Variants in PFKFB1 observed in about 807,000 individuals in gnomAD.
PFKFB1 encodes 6-phosphofructo-2-kinase/fructose-2,6-biphosphatase 1.
PFKFB1 carries 34 observed loss-of-function variants against 46.4 expected under a neutral mutation model. That is an observed-to-expected ratio of 0.73 (90% confidence interval 0.56 to 0.98). The LOEUF (loss-of-function observed/expected upper bound fraction) is 0.98, where lower values mean the gene tolerates loss of function less well. Ranked by LOEUF, PFKFB1 falls within the 50% of genes least tolerant of loss-of-function variation. The pLI, the probability that PFKFB1 is intolerant of heterozygous loss-of-function variation, is 0.00. For missense variants in PFKFB1, 393 were observed against 376.3 expected (o/e 1.04, Z -0.37); for synonymous variants, 119 against 133.8 (o/e 0.89, Z 0.76).
intron 4 of PFKFB1, 130 bp from the exon 5 acceptor site, chrX:54,959,055 G>T (rs1934238332): frequency 2.1e-6 from 1 of 473,879 alleles, no homozygotes. Flanking sequence ...TTGAAGGATA[G>T]GAAGGATTCA....
In PFKFB1 at chrX:54,963,418, A is replaced by T. The variant is rs764303673; in HGVS notation, c.98-36T>A. The T allele has an allele frequency of 1.0e-5, 12 of 1,192,475 alleles. No individual in the cohort carries two copies. The African/African-American group carries it at 1.9e-4, about 19-fold the overall frequency. On this transcript the variant is annotated intron_variant, in intron 1 of 13. Coordinates refer to ENST00000375006, the MANE Select transcript of PFKFB1 (RefSeq NM_002625.4). ...AACAGACCCTCAAAAGCTTATCCTC[A>T]GATTCATAGGCTCTTCTGGTATTAG... is the stretch of plus-strand genomic sequence containing the variant.
upstream of PFKFB1, chrX:54,998,526 T>C (rs1196530837): frequency 4.1e-5 from 31 of 759,936 alleles, no homozygotes; most frequent in Non-Finnish European, 5.8e-5. Flanking sequence ...GAGGTGTTCG[T>C]TGGTTCCCTG....
intron 10 of PFKFB1, among the ~76,000 whole-genome samples, chrX:54,941,710 T>G (rs1243036409): frequency 1.8e-5 from 2 of 111,798 alleles, no homozygotes; most frequent in African/African-American, 3.3e-5. Context: ...CTCACACCAG[T>G]TAGAATGGTG....
At chrX:54,937,762 T>A in intron 10 of PFKFB1, 38 bp from the exon 11 acceptor site, 5 of 1,167,748 alleles carry the variant, frequency 4.3e-6, no homozygotes, top group Non-Finnish European at 5.8e-6. Flanking sequence ...GAAAGGAAGA[T>A]GAGGCACATT....
intron 7 of PFKFB1, among the ~76,000 whole-genome samples, chrX:54,952,549 CTT>C (rs370373133): frequency 2.3e-4 from 23 of 100,560 alleles, no homozygotes; most frequent in Admixed American, 4.3e-4. Context: ...CTTCACTCCT[CTT>C]TTTTTTTTTT....
chrX:54,941,879 T>A (rs111304481), intron 10 of PFKFB1, among the ~76,000 whole-genome samples: 8,145 of 111,766 alleles, frequency 0.073, 732 homozygotes, highest in African/African-American at 0.25. Flanking sequence ...TTGACCCAGC[T>A]ATCCCATTAC....
At chrX:54,989,657 C>T (rs904779494) in intron 1 of PFKFB1, among the ~76,000 whole-genome samples, 8 of 111,973 alleles carry the variant, frequency 7.1e-5, no homozygotes, top group Non-Finnish European at 1.3e-4. Context: ...ACCAGATTGT[C>T]CATAAGTTGG....
intron 1 of PFKFB1, among the ~76,000 whole-genome samples, chrX:54,970,414 G>GC (rs1430586372): frequency 5.2e-4 from 54 of 104,418 alleles, no homozygotes; most frequent in African/African-American, 1.6e-3. Flanking sequence ...GTATACATGT[G>GC]CATGCTGGTG....
intron 11 of PFKFB1, among the ~76,000 whole-genome samples, chrX:54,937,055 C>T (rs1054247): frequency 2.7e-3 from 295 of 110,677 alleles, no homozygotes; most frequent in African/African-American, 9.5e-3. Flanking sequence ...GCAATGCCTA[C>T]ATATTTTTTT....
intron 1 of PFKFB1, among the ~76,000 whole-genome samples, chrX:54,965,075 G>A (rs1351317966): frequency 4.5e-5 from 5 of 111,458 alleles, no homozygotes; most frequent in South Asian, 3.7e-4. Context: ...TAACATATAC[G>A]TATTTAGAAC....
At chrX:54,935,115 C>T (rs1429585232) in intron 11 of PFKFB1, 106 bp from the exon 12 acceptor site, 10 of 602,988 alleles carry the variant, frequency 1.7e-5, no homozygotes, top group Admixed American at 2.7e-5. Context: ...GTCCCCTTGC[C>T]GTGGTGGGGC....
intron 1 of PFKFB1, among the ~76,000 whole-genome samples, chrX:54,982,340 G>C (rs887604185): frequency 9.0e-6 from 1 of 111,157 alleles, no homozygotes; most frequent in Admixed American, 9.6e-5. Context: ...AAACTCTATA[G>C]TCCACTCTGT....
chrX:54,975,930 A>C (rs977975523), intron 1 of PFKFB1, among the ~76,000 whole-genome samples: 37 of 111,587 alleles, frequency 3.3e-4, no homozygotes, highest in African/African-American at 1.2e-3. Flanking sequence ...AACCTTACCC[A>C]AAAAATAATT....
intron 7 of PFKFB1, among the ~76,000 whole-genome samples, chrX:54,952,659 T>G (rs1934022906): frequency 9.1e-6 from 1 of 109,961 alleles, no homozygotes; most frequent in East Asian, 2.9e-4. Context: ...GTTTCTCTCC[T>G]CACTCAGAAG....
At chrX:54,969,611 T>C (rs1934583339) in intron 1 of PFKFB1, among the ~76,000 whole-genome samples, 1 of 112,281 alleles carries the variant, frequency 8.9e-6, no homozygotes, top group Non-Finnish European at 1.9e-5. Flanking sequence ...ATAAAACTCT[T>C]AGCAATTTGG....
intron 9 of PFKFB1, among the ~76,000 whole-genome samples, chrX:54,947,844 C>T (rs768613849): frequency 9.0e-6 from 1 of 111,019 alleles, no homozygotes; most frequent in African/African-American, 3.3e-5. Context: ...ACTGCTATAC[C>T]ACCAGGGTTG....
At position 54,933,400 on chromosome X, in the gene PFKFB1, G is replaced by C. The variant is rs191209655; in HGVS notation, c.*3C>G. The C allele has an allele frequency of 6.3e-4, 758 of 1,200,438 alleles. 6 individuals carry two copies. In the African/African-American group the frequency reaches 0.011, roughly 17 times the overall value. On this transcript the variant is annotated 3_prime_UTR_variant, in exon 14 of 14. Coordinates refer to ENST00000375006, the MANE Select transcript of PFKFB1 (RefSeq NM_002625.4). ...ACAGGCAGTTTGACTTCTTGGAAAG[G>C]GCTCAGTAGTGGGCTGGGACAGTAT... is the stretch of plus-strand genomic sequence containing the variant.
At chrX:54,957,466 T>C (rs979355951) in intron 6 of PFKFB1, among the ~76,000 whole-genome samples, 1 of 110,826 alleles carries the variant, frequency 9.0e-6, no homozygotes, top group Non-Finnish European at 1.9e-5. Context: ...TCCATATATA[T>C]GTCTCTAATG....
intron 1 of PFKFB1, among the ~76,000 whole-genome samples, chrX:54,972,256 T>G (rs1934692570): frequency 9.0e-6 from 1 of 110,633 alleles, no homozygotes; most frequent in Non-Finnish European, 1.9e-5. Flanking sequence ...AATGGGGTTT[T>G]CTAGATATAC....
Sources: gnomAD v4.1 joint callset for allele counts (sites outside exome capture counted in the v4.1 genomes callset) on GRCh38, gnomAD v4.1.1 for gene constraint, MANE v1.5 for transcripts, NCBI Gene and HGNC (gene_info 2026-07-23, HGNC 2026-07-21) for gene names.